C6: variants seen among roughly 807,000 people sequenced by gnomAD.
C6 encodes complement C6.
C6 carries 101 observed loss-of-function variants against 112.9 expected under a neutral mutation model. The ratio of observed to expected loss-of-function variants is 0.89; its 90% CI spans 0.76 to 1.06. The LOEUF (loss-of-function observed/expected upper bound fraction) is 1.06, where lower values mean the gene tolerates loss of function less well. Ranked by LOEUF, C6 falls within the 50% of genes least tolerant of loss-of-function variation. The probability of loss-of-function intolerance (pLI) is 0.00; values close to 1 mark genes in which losing one functional copy is unlikely to be tolerated. For missense variants in C6, 1,202 were observed against 1,104.6 expected, an observed-to-expected ratio of 1.09 and a Z score of -1.25; for synonymous variants, 431 against 384.1, an observed-to-expected ratio of 1.12 and a Z score of -1.43.
chr5:41,150,425 A>G (rs1006972983), intron 15 of C6, among the ~76,000 whole-genome samples: 1 of 152,232 alleles, frequency 6.6e-6, no homozygotes, highest in Non-Finnish European at 1.5e-5. Flanking sequence ...GCAGACAGAC[A>G]TTAATCAAAT....
intron 3 of C6, among the ~76,000 whole-genome samples, chr5:41,200,359 A>G (rs1038134121): frequency 2.0e-5 from 3 of 152,184 alleles, no homozygotes; most frequent in African/African-American, 4.8e-5. Flanking sequence ...AATGTAGTCT[A>G]CACTTTAAAA....
In C6 at chr5:41,168,021, C is replaced by T. The variant is rs900143595; in HGVS notation, c.1291+4204G>A. Among the ~76,000 whole-genome samples the T allele has an allele frequency of 4.6e-5, 7 of 152,254 alleles. No homozygotes were observed. The East Asian group carries it at 1.4e-3, about 29-fold the overall frequency. On this transcript the variant is annotated intron_variant, in intron 9 of 17. Coordinates refer to ENST00000337836, the MANE Select transcript of C6 (RefSeq NM_000065.5). ...GAAGACTGATGATTAACAGTGGGAACAAGAGCCAACACTGTAGAAATCTTA... is the reference window on the plus strand; with the variant it reads ...GAAGACTGATGATTAACAGTGGGAATAAGAGCCAACACTGTAGAAATCTTA...
intron 7 of C6, among the ~76,000 whole-genome samples, chr5:41,179,804 G>A (rs938402416): frequency 3.3e-4 from 50 of 151,392 alleles, no homozygotes; most frequent in Admixed American, 2.4e-3. Flanking sequence ...CTAAAATTAT[G>A]AATAAATAAA....
chr5:41,150,514 G>A (rs1746287639), intron 15 of C6, among the ~76,000 whole-genome samples: 1 of 152,128 alleles, frequency 6.6e-6, no homozygotes, highest in South Asian at 2.1e-4. Context: ...AATTGATGTA[G>A]CTAGAAAGAT....
chr5:41,153,102 A>C (rs757746658), intron 15 of C6: 1 of 152,270 alleles, frequency 6.6e-6, no homozygotes, highest in Non-Finnish European at 1.5e-5. Context: ...ACTTTTTCAC[A>C]TTGAAAGAAT....
At chr5:41,194,722 A>AT (rs5867544) in intron 5 of C6, among the ~76,000 whole-genome samples, 53,094 of 151,916 alleles carry the variant, frequency 0.35, 9,661 homozygotes, top group Non-Finnish European at 0.41. Context: ...ATCTTTACTG[A>AT]TTTTTTCTTA....
chr5:41,154,929 A>C (rs1746750151), intron 14 of C6, 43 bp downstream of exon 14: 2 of 1,602,274 alleles, frequency 1.2e-6, no homozygotes, highest in Admixed American at 1.7e-5. Flanking sequence ...GGGCACATTC[A>C]TTCTGTAAAG....
At chr5:41,209,804 T>C (rs987391292) in intron 1 of C6, among the ~76,000 whole-genome samples, 2 of 152,184 alleles carry the variant, frequency 1.3e-5, no homozygotes, top group Non-Finnish European at 2.9e-5. Flanking sequence ...AGGTAATTTA[T>C]AGATTCAATG....
chr5:41,236,616 A>T (rs1400687893), intron 1 of C6, among the ~76,000 whole-genome samples: 1 of 121,776 alleles, frequency 8.2e-6, no homozygotes, highest in East Asian at 2.2e-4. Context: ...TGCCTACAAG[A>T]GAAAGCAGGA....
chr5:41,165,765 C>T (rs985304921), intron 9 of C6, among the ~76,000 whole-genome samples: 1 of 151,876 alleles, frequency 6.6e-6, no homozygotes, highest in African/African-American at 2.4e-5. Context: ...TAAGTAAATA[C>T]TATTATTATT....
chr5:41,163,820 A>G (rs1747752250), intron 9 of C6, among the ~76,000 whole-genome samples: 1 of 152,236 alleles, frequency 6.6e-6, no homozygotes, highest in Non-Finnish European at 1.5e-5. Flanking sequence ...ATATAATTAC[A>G]GATTTGAGAA....
At chr5:41,207,728 C>A (rs1159042252) in intron 1 of C6, among the ~76,000 whole-genome samples, 1 of 151,876 alleles carries the variant, frequency 6.6e-6, no homozygotes, top group East Asian at 1.9e-4. Flanking sequence ...ATTCATAAAG[C>A]CAGTCCTTAG....
intron 9 of C6, among the ~76,000 whole-genome samples, chr5:41,162,175 G>T (rs1747581618): frequency 6.6e-6 from 1 of 152,164 alleles, no homozygotes; most frequent in African/African-American, 2.4e-5. Context: ...GAAGCCGAAA[G>T]TAATTTGTCC....
intron 9 of C6, among the ~76,000 whole-genome samples, chr5:41,164,551 A>G (rs2150281839): frequency 1.3e-5 from 2 of 152,332 alleles, no homozygotes; most frequent in Non-Finnish European, 2.9e-5. Flanking sequence ...CTTCAGGTTT[A>G]GAAACAATTG....
chr5:41,256,443 T>TA (rs5867547), intron 1 of C6, among the ~76,000 whole-genome samples: 83,356 of 122,828 alleles, frequency 0.68, 28,004 homozygotes, highest in African/African-American at 0.75. Flanking sequence ...AAAAAAAAAG[T>TA]AAAAAAAAAA....
At chr5:41,255,130 G>A (rs903883526) in intron 1 of C6, among the ~76,000 whole-genome samples, 6 of 152,144 alleles carry the variant, frequency 3.9e-5, no homozygotes, top group African/African-American at 1.4e-4. Flanking sequence ...GGGAGGCCAA[G>A]GTGGGCAGAT....
chr5:41,201,755 C>T (rs1751052082), intron 2 of C6, 41 bp from the exon 3 acceptor site: 3 of 1,504,882 alleles, frequency 2.0e-6, no homozygotes, highest in Non-Finnish European at 2.8e-6. Context: ...TGAGTGTATT[C>T]ACCATATATC....
chr5:41,249,081 C>T (rs919570333), intron 1 of C6, among the ~76,000 whole-genome samples: 15 of 152,110 alleles, frequency 9.9e-5, no homozygotes, highest in African/African-American at 3.1e-4. Flanking sequence ...TATATTCTCA[C>T]TTCTAAGTAG....
intron 6 of C6, among the ~76,000 whole-genome samples, chr5:41,184,484 T>G (rs1300060465): frequency 4.0e-5 from 6 of 151,116 alleles, no homozygotes; most frequent in Admixed American, 3.3e-4. Flanking sequence ...TTTCTTTTCT[T>G]TTTTTTTGAG....
Sources: gnomAD v4.1 joint callset for allele counts (sites outside exome capture counted in the v4.1 genomes callset) on GRCh38, gnomAD v4.1.1 for gene constraint, MANE v1.5 for transcripts, NCBI Gene and HGNC (gene_info 2026-07-23, HGNC 2026-07-21) for gene names.